Variants in PTCSC3 observed in about 807,000 individuals in gnomAD.
PTCSC3 encodes papillary thyroid carcinoma susceptibility candidate 3, also known as papillary thyroid carcinoma susceptibility candidate 3 (non-protein coding).
chr14:36,168,360 A>AATAT (rs147400390), intron 1 of PTCSC3, among the ~76,000 whole-genome samples: 5,584 of 113,182 alleles, frequency 0.049, 179 homozygotes, highest in African/African-American at 0.076. Context: ...ATTGATTCTG[A>AATAT]ATATATATAT....
At chr14:36,172,954 T>G (rs1402048439) in intron 1 of PTCSC3, among the ~76,000 whole-genome samples, 2 of 152,128 alleles carry the variant, frequency 1.3e-5, no homozygotes, top group East Asian at 3.8e-4. Flanking sequence ...TTGTTTTTTT[T>G]TTAAGTATTG....
At chr14:36,168,360 A>ATAT (rs1882132758) in intron 1 of PTCSC3, among the ~76,000 whole-genome samples, 2 of 113,932 alleles carry the variant, frequency 1.8e-5, no homozygotes, top group African/African-American at 4.4e-5. Flanking sequence ...ATTGATTCTG[A>ATAT]ATATATATAT....
intron 1 of PTCSC3, chr14:36,165,335 C>T (rs1882064925): frequency 6.6e-6 from 1 of 152,180 alleles, no homozygotes; most frequent in South Asian, 2.1e-4. Context: ...ACAGCTGTCC[C>T]TCCCCTAAGG....
chr14:36,150,962 CTTCT>C (rs1248180785), intron 3 of PTCSC3, among the ~76,000 whole-genome samples: 3 of 151,776 alleles, frequency 2.0e-5, no homozygotes, highest in East Asian at 1.9e-4. Context: ...TCCTTTATAC[CTTCT>C]TTAACACTCT....
rs565301332 is a variant in PTCSC3 at position 36,160,931 on chromosome 14, C to G, written n.231+1693G>C. Reference sequence around the variant, plus strand: ...GAGGCTTTGTTCATTCCTTTTTATTCTTTTTTCTTTAATTTTGTCTTCATG... The same window carrying G: ...GAGGCTTTGTTCATTCCTTTTTATTGTTTTTTCTTTAATTTTGTCTTCATG... On this transcript the variant is annotated intron_variant and non_coding_transcript_variant, in intron 2 of 3. Coordinates refer to ENST00000556013, the Ensembl canonical transcript of PTCSC3. Among the ~76,000 whole-genome samples, 4 of 152,130 alleles carry G rather than the reference C, an allele frequency of 2.6e-5. No individual in the cohort carries two copies. In the East Asian group the frequency reaches 7.7e-4, roughly 29 times the overall value.
chr14:36,147,192 G>A (rs991631983), intron 3 of PTCSC3, among the ~76,000 whole-genome samples: 1 of 152,126 alleles, frequency 6.6e-6, no homozygotes, highest in African/African-American at 2.4e-5. Context: ...TGTATTTCCT[G>A]AATCTGAATG....
intron 1 of PTCSC3, among the ~76,000 whole-genome samples, chr14:36,168,382 TA>T (rs1882135183): frequency 6.9e-6 from 1 of 143,950 alleles, no homozygotes; most frequent in African/African-American, 2.6e-5. Context: ...TATATATATA[TA>T]TATATATATA....
At chr14:36,167,632 G>T (rs1882115158) in intron 1 of PTCSC3, among the ~76,000 whole-genome samples, 1 of 152,044 alleles carries the variant, frequency 6.6e-6, no homozygotes, top group South Asian at 2.1e-4. Context: ...GCCCAGGGGA[G>T]CGTAAACAAA....
chr14:36,164,038 TACA>T (rs1054192949), intron 1 of PTCSC3: 24 of 152,324 alleles, frequency 1.6e-4, no homozygotes, highest in African/African-American at 5.8e-4. Flanking sequence ...ACAGCAGAAT[TACA>T]ACATTTGGAG....
chr14:36,146,678 G>T (rs1167412005), intron 3 of PTCSC3, among the ~76,000 whole-genome samples: 44 of 152,060 alleles, frequency 2.9e-4, no homozygotes, highest in Non-Finnish European at 5.4e-4. Flanking sequence ...AGTTAATATT[G>T]TTATGTGTGA....
chr14:36,158,472 G>A (rs1177687881), intron 2 of PTCSC3, among the ~76,000 whole-genome samples: 1 of 152,182 alleles, frequency 6.6e-6, no homozygotes, highest in Non-Finnish European at 1.5e-5. Flanking sequence ...AAGGGGTGTT[G>A]AATTCTACTG....
chr14:36,142,410 G>T (rs944658091), intron 3 of PTCSC3, among the ~76,000 whole-genome samples: 3 of 152,096 alleles, frequency 2.0e-5, no homozygotes, highest in African/African-American at 7.2e-5. Context: ...TTTAACACCT[G>T]TATTCATGAG....
At chr14:36,147,957 C>G (rs1881623484) in intron 3 of PTCSC3, among the ~76,000 whole-genome samples, 1 of 152,096 alleles carries the variant, frequency 6.6e-6, no homozygotes, top group Non-Finnish European at 1.5e-5. Flanking sequence ...CGGGGGGTGC[C>G]TCCCAGTTAG....
chr14:36,140,160 G>A (rs1013490108), intron 3 of PTCSC3, among the ~76,000 whole-genome samples: 1 of 152,190 alleles, frequency 6.6e-6, no homozygotes, highest in Middle Eastern at 3.4e-3. Flanking sequence ...TTAATGGCTT[G>A]GTAGCACATT....
In PTCSC3 at chr14:36,174,571, A is replaced by ATGGT. The variant is rs1407823268; in HGVS notation, n.171+1723_171+1726dup. On this transcript the variant is annotated intron_variant and non_coding_transcript_variant, in intron 1 of 3. Coordinates refer to ENST00000556013, the Ensembl canonical transcript of PTCSC3. The stretch of plus-strand genomic sequence containing the variant: ...TAGATTCTGTAGTCTTCCTCTAAAA[A>ATGGT]TGGTTGTTTCATATTTGAGGTGGCA... 2.6e-5 allele frequency among the ~76,000 whole-genome samples: 4 copies of ATGGT among 152,200 alleles called. No individual in the cohort carries two copies. In the East Asian group the frequency reaches 7.7e-4, roughly 29 times the overall value.
At chr14:36,163,424 G>GA (rs1034345297) in intron 1 of PTCSC3, among the ~76,000 whole-genome samples, 2 of 149,842 alleles carry the variant, frequency 1.3e-5, no homozygotes, top group African/African-American at 2.4e-5. Context: ...CACCATGGAG[G>GA]AAAAAAAAAG....
intron 3 of PTCSC3, among the ~76,000 whole-genome samples, chr14:36,140,497 C>T (rs976944775): frequency 2.7e-4 from 41 of 152,182 alleles, no homozygotes; most frequent in African/African-American, 8.2e-4. Flanking sequence ...CACATTCTTG[C>T]CAGCCTTTGA....
At chr14:36,165,722 C>CTTTT (rs71448056) in intron 1 of PTCSC3, among the ~76,000 whole-genome samples, 2 of 124,818 alleles carry the variant, frequency 1.6e-5, no homozygotes, top group East Asian at 2.3e-4. Flanking sequence ...TTTATTTTTC[C>CTTTT]TTTTTTTTTT....
At position 36,168,360 on chromosome 14, in the gene PTCSC3, AATATATAT is replaced by A. The variant is rs147400390; in HGVS notation, n.172-5685_172-5678del. ...TTGGGAGTTTAAACTATTGATTCTG[AATATATAT>A]ATATATATATATATATATATATATA... On this transcript the variant is annotated intron_variant and non_coding_transcript_variant, in intron 1 of 3. Transcript: ENST00000556013. 4.4e-3 allele frequency among the ~76,000 whole-genome samples: 501 copies of A among 113,886 alleles called. 4 individuals carry two copies. Among genetic ancestry groups the A allele is most frequent in the East Asian group, 9.8e-3 (39 of 3,992 alleles). 74.7% of individuals were successfully genotyped at this position (113,886 alleles called of 152,430 possible). A position where few individuals can be genotyped will look rare whatever the true frequency, so the allele number is the denominator to read the frequency against.
Sources: allele counts gnomAD v4.1 joint callset (sites outside exome capture counted in the v4.1 genomes callset), GRCh38; gene constraint gnomAD v4.1.1; transcripts MANE v1.5; gene names NCBI Gene and HGNC (gene_info 2026-07-23, HGNC 2026-07-21).